Variants in RIC8A observed in about 807,000 individuals in gnomAD.
RIC8A encodes RIC8 guanine nucleotide exchange factor A.
RIC8A carries 37 observed loss-of-function variants against 48.4 expected under a neutral mutation model. That is an observed-to-expected ratio of 0.77 (90% confidence interval 0.59 to 1.01). RIC8A has a LOEUF of 1.01. RIC8A is among the 50% of genes least tolerant of loss of function. RIC8A has a pLI of 0.00. For synonymous variants in RIC8A, 288 were observed against 283.4 expected (o/e 1.02, Z -0.16); for missense variants, 681 against 696.8 (o/e 0.98, Z 0.25).
intron 1 of RIC8A, 105 bp downstream of exon 1, chr11:209,043 C>A (rs1163971201): frequency 2.0e-5 from 22 of 1,127,530 alleles, no homozygotes; most frequent in Non-Finnish European, 2.6e-5. Context: ...TGTCAGCAAG[C>A]GTAGGGGACG....
chr11:213,107 C>CTTAGGAA, intron 8 of RIC8A, 126 bp downstream of exon 8: 1 of 1,392,654 alleles, frequency 7.2e-7, no homozygotes, highest in Non-Finnish European at 9.6e-7. Context: ...GAATCAAGCA[C>CTTAGGAA]CTGTTCCTAA....
In RIC8A at chr11:211,554, CCA is replaced by C. The variant is rs1425522349; in HGVS notation, c.969+211_969+212del. 1.9e-6 allele frequency: 1 copy of C among 538,714 alleles called. No homozygotes were observed. The highest frequency in any genetic ancestry group is 3.2e-6 in the Non-Finnish European group (1 of 307,840). 33.4% of individuals were successfully genotyped at this position (538,714 alleles called of 1,614,324 possible). ...TCCATGAGAAGCATGTGGACACCTT[CCA>C]CACACTTGAAGGTTTCACTTCTTAA... On this transcript the variant is annotated intron_variant, in intron 5 of 9. Transcript: ENST00000526104. The surrounding 1 kb of genome is among the most constrained non-coding windows in gnomAD (Gnocchi z 4.0).
chr11:210,749 G>C, intron 4 of RIC8A, 87 bp downstream of exon 4: 1 of 1,215,882 alleles, frequency 8.2e-7, no homozygotes, highest in Non-Finnish European at 1.2e-6. Context: ...AGAACCACCT[G>C]AGAGCCCAGG....
rs1177689339 is a variant in RIC8A at position 212,919 on chromosome 11, C to T, written c.1293C>T (p.Pro431=). ...AARGLMAGGR[P]EGQYSEDEDT... ...GGGGCCTCATGGCAGGAGGCCGGCC[C>T]GAGGGCCAGTACTCAGAGGATGAGG... Residue 431 remains proline, a synonymous_variant, in exon 8 of 10, where the codon CCC becomes CCT. Transcript: ENST00000526104. 14 of 1,601,404 alleles carry T rather than the reference C, an allele frequency of 8.7e-6. No individual in the cohort carries two copies. The highest frequency in any genetic ancestry group is 4.5e-5 in the East Asian group (2 of 44,856).
At chr11:210,962 C>G (rs1384050620) in intron 4 of RIC8A, 1 of 609,142 alleles carries the variant, frequency 1.6e-6, no homozygotes, top group Admixed American at 3.0e-5. Context: ...CGCTTTGGCT[C>G]AGACAGGGTC....
At position 213,283 on chromosome 11, in the gene RIC8A, A is replaced by G. The variant is rs1047023033; in HGVS notation, c.1356-16A>G. 2 of 1,613,666 alleles carry G rather than the reference A, an allele frequency of 1.2e-6. No individual in the cohort carries two copies. The highest frequency in any genetic ancestry group is 3.3e-4 in the Middle Eastern group (2 of 6,062). ...GTCACTAATGCATTCCCCACATTCC[A>G]CCCACTGGGAAACAGCATAAACCCT... On this transcript the variant is annotated splice_polypyrimidine_tract_variant and intron_variant, in intron 8 of 9. Coordinates refer to ENST00000526104, the MANE Select transcript of RIC8A (RefSeq NM_001286134.2).
rs1413084099 is a variant in RIC8A at position 214,322 on chromosome 11, C to T, written c.1568C>T (p.Ser523Phe). Residue 523 changes from serine (S) to phenylalanine (F), a missense_variant, in exon 10 of 10, where the codon TCC becomes TTC. Transcript: ENST00000526104. Reference sequence around the variant, plus strand: ...TGCGAGACTATGGAGCAGCAGCTCTCCTCGGACCCTGACTCGGACCCTGAC... The same window carrying T: ...TGCGAGACTATGGAGCAGCAGCTCTTCTCGGACCCTGACTCGGACCCTGAC... ...AMCETMEQQL[S>F]SDPDSDPD 1 of 1,610,046 alleles carries T rather than the reference C, an allele frequency of 6.2e-7. No homozygotes were observed. Among genetic ancestry groups the T allele is most frequent in the Non-Finnish European group, 8.5e-7 (1 of 1,178,322 alleles).
At position 212,760 on chromosome 11, in the gene RIC8A, G is replaced by C; in HGVS notation, c.1210+1G>C. ...TTGTTTGTCCTGTGCTCTGAGAGTG[G>C]TGAGTTATGGAGACCCAGGTCCCAG... On this transcript the variant is annotated splice_donor_variant, in intron 7 of 9. Transcript: ENST00000526104. LOFTEE classifies it high-confidence loss of function. 1 of 1,614,030 alleles carries C rather than the reference G, an allele frequency of 6.2e-7. No individual in the cohort carries two copies. Among genetic ancestry groups the C allele is most frequent in the Non-Finnish European group, 8.5e-7 (1 of 1,179,970 alleles).
Position 210,662 on chromosome 11 carries a change from G to T in RIC8A, c.818G>T (p.Gly273Val), listed in dbSNP as rs1424265580. The T allele has an allele frequency of 6.2e-7, 1 of 1,613,914 alleles. No individual in the cohort carries two copies. The highest frequency in any genetic ancestry group is 8.5e-7 in the Non-Finnish European group (1 of 1,179,824). ...GGAGACCGCACAGAGGAGTTCCACG[G>T]GTGAGAATGGGGCTTTTTCTGGGAG... ...TAGDRTEEFH[G>V]HAVNLLGNLP... The change falls in exon 4 of 10, where the codon GGC becomes GTC. Residue 273 changes from glycine (G) to valine (V), a missense_variant and splice_region_variant. Coordinates refer to ENST00000526104, the MANE Select transcript of RIC8A (RefSeq NM_001286134.2).
chr11:210,480 A>G, intron 3 of RIC8A, 91 bp from the exon 4 acceptor site: 1 of 1,186,008 alleles, frequency 8.4e-7, no homozygotes, highest in Non-Finnish European at 1.3e-6. Context: ...TCATTGCCAC[A>G]CAGTCCTGGA....
Position 214,260 on chromosome 11 carries a change from T to TC in RIC8A, c.1510dup (p.Arg504ProfsTer24). ...GAGTCATCCAGCCAATGGGGATGAG[T>TC]CCCCGGGGTCATCTTACGTCCCTGC... On this transcript the variant is annotated frameshift_variant, in exon 10 of 10. Transcript: ENST00000526104. LOFTEE classifies it high-confidence loss of function. 2 of 1,613,654 alleles carry TC rather than the reference T, an allele frequency of 1.2e-6. No homozygotes were observed. Among genetic ancestry groups the TC allele is most frequent in the Non-Finnish European group, 1.7e-6 (2 of 1,179,894 alleles).
rs1270727030 is a variant in RIC8A, at chr11:209,939, T to C, written c.665T>C (p.Met222Thr). Residue 222 changes from methionine to threonine, a missense_variant, in exon 3 of 10, where the codon ATG (methionine) becomes ACG (threonine). Met to Thr is a moderately conservative substitution (Grantham distance 81). Coordinates refer to ENST00000526104, the MANE Select transcript of RIC8A (RefSeq NM_001286134.2). ...CCTTCCCAAGAGACTGAGCGGGCCA[T>C]GGAGATCCTCAAAGTGCTCTTCAAC... ...LLPSQETERA[M>T]EILKVLFNIT... 1.9e-6 allele frequency: 3 copies of C among 1,603,138 alleles called. No homozygotes were observed. The highest frequency in any genetic ancestry group is 2.5e-6 in the Non-Finnish European group (3 of 1,179,572).
In RIC8A at chr11:211,780, T is replaced by A. The variant is rs1564799782; in HGVS notation, c.969+431T>A. ...ATCTGGACAGCTGGGGCTCTAACCA[T>A]CTTCCAGGAGCTTGCAGAAAGCAGG... On this transcript the variant is annotated intron_variant, in intron 5 of 9. Transcript: ENST00000526104. The surrounding 1 kb of genome is among the most constrained non-coding windows in gnomAD (Gnocchi z 4.0). 1 of 162,758 alleles carries A rather than the reference T, an allele frequency of 6.1e-6. No individual in the cohort carries two copies. Among genetic ancestry groups the A allele is most frequent in the Admixed American group, 5.9e-5 (1 of 17,002 alleles). The allele number at this position is 162,758 out of a possible 1,614,324, so 10.1% of individuals were successfully genotyped here. A position where few individuals can be genotyped will look rare whatever the true frequency, so the allele number is the denominator to read the frequency against.
rs553963905 is a variant in RIC8A at position 213,005 on chromosome 11, G to A, written c.1355+24G>A. The A allele has an allele frequency of 1.5e-4, 230 of 1,530,514 alleles. No homozygotes were observed. In the South Asian group the frequency reaches 2.0e-3, roughly 13 times the overall value. 94.8% of individuals were successfully genotyped at this position (1,530,514 alleles called of 1,614,324 possible). On this transcript the variant is annotated intron_variant, in intron 8 of 9. Transcript: ENST00000526104. ...AGGTGTGTACCCCCAACACACCCTCGGGTCTCCACTCACAGCCCCATAGTC... is the reference window on the plus strand; with the variant it reads ...AGGTGTGTACCCCCAACACACCCTCAGGTCTCCACTCACAGCCCCATAGTC...
intron 1 of RIC8A, 46 bp from the exon 2 acceptor site, chr11:209,225 G>C: frequency 6.2e-7 from 1 of 1,612,806 alleles, no homozygotes; most frequent in Non-Finnish European, 8.5e-7. Context: ...CAGCGGACGC[G>C]GATCCTACCC....
In RIC8A at chr11:214,141, A is replaced by G. The variant is rs1855462645; in HGVS notation, c.1476-89A>G. The G allele has an allele frequency of 6.9e-6, 10 of 1,459,064 alleles. No homozygotes were observed. In the South Asian group the frequency reaches 1.2e-4, roughly 17 times the overall value. 90.4% of individuals were successfully genotyped at this position (1,459,064 alleles called of 1,614,324 possible). On this transcript the variant is annotated intron_variant, in intron 9 of 9. Coordinates refer to ENST00000526104, the MANE Select transcript of RIC8A (RefSeq NM_001286134.2). ...AGTAAATGGGAGCAGCCTACTTGGT[A>G]GAGAGGAAGGTAGCAGCCACGGGTG...
chr11:213,767 A>AC (rs1855442597), intron 9 of RIC8A: 1 of 246,286 alleles, frequency 4.1e-6, no homozygotes, highest in African/African-American at 2.3e-5. Flanking sequence ...ACATGGTGAA[A>AC]CCCCATCTCT....
intron 8 of RIC8A, 113 bp from the exon 9 acceptor site, chr11:213,186 G>A: frequency 6.7e-7 from 1 of 1,491,474 alleles, no homozygotes; most frequent in Non-Finnish European, 9.1e-7. Flanking sequence ...CTGGAGGGAG[G>A]CCTCTTCCTG....
chr11:209,150 C>T (rs1347826839), intron 1 of RIC8A, 121 bp from the exon 2 acceptor site: 1 of 1,269,250 alleles, frequency 7.9e-7, no homozygotes, highest in South Asian at 1.2e-5. Context: ...GGGCGAGTGC[C>T]GACCCTGCCA....
Sources: allele counts gnomAD v4.1 joint callset, GRCh38; gene constraint gnomAD v4.1.1; non-coding constraint Gnocchi (gnomAD v3.1); transcripts MANE v1.5; gene names NCBI Gene and HGNC (gene_info 2026-07-23, HGNC 2026-07-21).